SGCD: variants seen among roughly 807,000 people sequenced by gnomAD.
The protein encoded by SGCD is sarcoglycan delta, also known as delta-sarcoglycan.
In SGCD, 18 loss-of-function variants were observed where a neutral mutation model predicts 36.6. The observed-to-expected ratio is 0.49, with a 90% confidence interval of 0.34 to 0.73. The LOEUF is 0.73. SGCD is among the 30% of genes least tolerant of loss of function. SGCD has a pLI of 0.01. For missense variants in SGCD, 387 were observed against 346.7 expected, an observed-to-expected ratio of 1.12 and a Z score of -0.92; for synonymous variants, 133 against 130.6, an observed-to-expected ratio of 1.02 and a Z score of -0.12.
intron 3 of SGCD, among the ~76,000 whole-genome samples, chr5:156,476,022 G>A (rs745960141): frequency 2.0e-5 from 3 of 152,206 alleles, no homozygotes; most frequent in Non-Finnish European, 4.4e-5. Flanking sequence ...ACTTGCCGTG[G>A]CTGAGGGTAA....
chr5:156,056,495 C>T (rs1760061609), intron 1 of SGCD, among the ~76,000 whole-genome samples: 1 of 143,866 alleles, frequency 7.0e-6, no homozygotes, highest in Non-Finnish European at 1.6e-5. Context: ...CTGATGCTAC[C>T]CCAGACCAGT....
At chr5:156,200,229 A>T (rs1370710332) in intron 3 of SGCD, among the ~76,000 whole-genome samples, 2 of 152,102 alleles carry the variant, frequency 1.3e-5, no homozygotes, top group Non-Finnish European at 2.9e-5. Flanking sequence ...GAAAAAGAAC[A>T]GAGGTAGAGG....
intron 3 of SGCD, among the ~76,000 whole-genome samples, chr5:156,416,185 T>A (rs767746653): frequency 6.6e-5 from 10 of 152,162 alleles, no homozygotes; most frequent in Non-Finnish European, 1.5e-4. Flanking sequence ...ACTACTCAGT[T>A]GTAAAAAGGA....
chr5:155,865,438 T>C (rs557744744), upstream of SGCD, among the ~76,000 whole-genome samples: 2 of 152,142 alleles, frequency 1.3e-5, no homozygotes, highest in African/African-American at 2.4e-5. Flanking sequence ...TATAGGTATG[T>C]AGTGGAAAGG....
At chr5:156,520,567 C>T (rs553630263) in intron 4 of SGCD, among the ~76,000 whole-genome samples, 3 of 152,056 alleles carry the variant, frequency 2.0e-5, no homozygotes, top group African/African-American at 7.2e-5. Flanking sequence ...AAAAAAGAGC[C>T]CAAATTACCA....
intron 3 of SGCD, among the ~76,000 whole-genome samples, chr5:156,232,502 C>G (rs1765044177): frequency 6.6e-6 from 1 of 152,226 alleles, no homozygotes. Context: ...CTTTCACACT[C>G]TATCTGGTGA....
intron 3 of SGCD, among the ~76,000 whole-genome samples, chr5:156,347,118 A>G (rs1038242082): frequency 6.6e-6 from 1 of 152,092 alleles, no homozygotes; most frequent in African/African-American, 2.4e-5. Context: ...TTCTTTAAAG[A>G]CAAGCAGAAT....
intron 1 of SGCD, among the ~76,000 whole-genome samples, chr5:155,940,049 T>C (rs1316798695): frequency 1.3e-5 from 2 of 152,074 alleles, no homozygotes; most frequent in Non-Finnish European, 2.9e-5. Context: ...GTCAGGCTGG[T>C]CTTGAACTCC....
At chr5:156,074,908 G>A (rs1002317813) in intron 1 of SGCD, among the ~76,000 whole-genome samples, 1 of 152,098 alleles carries the variant, frequency 6.6e-6, no homozygotes, top group Non-Finnish European at 1.5e-5. Context: ...AAATGTATAA[G>A]CACATATCAT....
At chr5:156,615,880 C>A (rs368373300) in intron 6 of SGCD, among the ~76,000 whole-genome samples, 63 of 152,234 alleles carry the variant, frequency 4.1e-4, no homozygotes, top group African/African-American at 1.4e-3. Flanking sequence ...CAATTAGGTA[C>A]ATTTGAACTA....
intron 1 of SGCD, among the ~76,000 whole-genome samples, chr5:155,871,378 G>A (rs569767962): frequency 1.3e-5 from 2 of 152,202 alleles, no homozygotes; most frequent in African/African-American, 2.4e-5. Context: ...CAAGATTTGC[G>A]ACCTCTCTGC....
chr5:156,015,207 CCTTTCTT>C (rs1758943609), intron 1 of SGCD, among the ~76,000 whole-genome samples: 1 of 151,990 alleles, frequency 6.6e-6, no homozygotes, highest in South Asian at 2.1e-4. Context: ...AAAAGGCCTC[CCTTTCTT>C]CTTTCTTATT....
intron 1 of SGCD, among the ~76,000 whole-genome samples, chr5:156,027,844 G>A (rs1355642216): frequency 1.3e-5 from 2 of 152,074 alleles, no homozygotes; most frequent in Non-Finnish European, 2.9e-5. Flanking sequence ...TAAGATTAAG[G>A]CACTGGCAAG....
chr5:155,903,239 A>T (rs972909452), intron 1 of SGCD, among the ~76,000 whole-genome samples: 2 of 151,812 alleles, frequency 1.3e-5, no homozygotes, highest in African/African-American at 4.8e-5. Context: ...TTCTCTCTCT[A>T]ATTTCTTCAG....
the SGCD span, among the ~76,000 whole-genome samples, chr5:155,847,837 C>T: frequency 1.3e-5 from 2 of 152,180 alleles, no homozygotes; most frequent in African/African-American, 2.4e-5. Flanking sequence ...CTTATTCTTA[C>T]TATGGATTGT....
intron 1 of SGCD, among the ~76,000 whole-genome samples, chr5:155,953,083 C>G (rs544428580): frequency 6.6e-6 from 1 of 152,104 alleles, no homozygotes; most frequent in Non-Finnish European, 1.5e-5. Flanking sequence ...GCTGACCTCA[C>G]TCGCCCAGTT....
At chr5:156,690,751 AATCATTGGTTTAATGT>A (rs1754076047) in intron 7 of SGCD, among the ~76,000 whole-genome samples, 1 of 152,194 alleles carries the variant, frequency 6.6e-6, no homozygotes, top group Non-Finnish European at 1.5e-5. Flanking sequence ...GAAAGGAGAA[AATCATTGGTTTAATGT>A]AGCAGAGATG....
At chr5:156,696,758 C>T (rs1236844723) in intron 7 of SGCD, among the ~76,000 whole-genome samples, 3 of 152,138 alleles carry the variant, frequency 2.0e-5, no homozygotes, top group South Asian at 2.1e-4. Flanking sequence ...GATCTTCCTG[C>T]CTTGGCCTCC....
chr5:155,960,524 C>T (rs1469511299), intron 1 of SGCD, among the ~76,000 whole-genome samples: 1 of 152,082 alleles, frequency 6.6e-6, no homozygotes, highest in African/African-American at 2.4e-5. Flanking sequence ...GAAGCCTAAA[C>T]ACATACCCCT....
Sources: gnomAD v4.1 joint callset for allele counts (sites outside exome capture counted in the v4.1 genomes callset) on GRCh38, gnomAD v4.1.1 for gene constraint, MANE v1.5 for transcripts, NCBI Gene and HGNC (gene_info 2026-07-23, HGNC 2026-07-21) for gene names.